MARCHF1: variants seen among roughly 807,000 people sequenced by gnomAD.
MARCHF1 encodes the protein E3 ubiquitin-protein ligase MARCHF1.
Under a neutral mutation model 54.2 loss-of-function variants are expected in MARCHF1, and 40 were observed. The observed-to-expected ratio is 0.74, with a 90% CI of 0.57 to 0.96. The LOEUF (loss-of-function observed/expected upper bound fraction) is 0.96. Among genes scored for constraint, MARCHF1 ranks in the 40% least tolerant of loss-of-function variants. MARCHF1 has a pLI of 0.00. For missense variants in MARCHF1, 586 were observed against 656.5 expected, an observed-to-expected ratio of 0.89 and a Z score of 1.17; for synonymous variants, 236 against 236.3, an observed-to-expected ratio of 1.00 and a Z score of 0.01.
intron 1 of MARCHF1, among the ~76,000 whole-genome samples, chr4:164,311,290 A>T (rs1212588390): frequency 6.6e-6 from 1 of 152,206 alleles, no homozygotes; most frequent in African/African-American, 2.4e-5. Flanking sequence ...CTGGGAAAAA[A>T]AAGGAAAATA....
intron 3 of MARCHF1, among the ~76,000 whole-genome samples, chr4:163,984,001 A>T (rs952278411): frequency 2.0e-5 from 3 of 151,836 alleles, no homozygotes; most frequent in Non-Finnish European, 1.5e-5. Flanking sequence ...ATTACTAAAA[A>T]TTTATTTTAC....
At chr4:164,167,604 A>G (rs561224078) in intron 1 of MARCHF1, among the ~76,000 whole-genome samples, 2 of 151,984 alleles carry the variant, frequency 1.3e-5, no homozygotes, top group South Asian at 2.1e-4. Context: ...AACAGAATAA[A>G]AAGTCTAGAA....
chr4:164,230,555 T>A (rs1480262959), intron 1 of MARCHF1, among the ~76,000 whole-genome samples: 1 of 152,076 alleles, frequency 6.6e-6, no homozygotes, highest in East Asian at 1.9e-4. Context: ...TACAGTTCTT[T>A]ACTAGCTATT....
At chr4:163,547,201 C>G (rs140478072) in intron 8 of MARCHF1, among the ~76,000 whole-genome samples, 1 of 152,276 alleles carries the variant, frequency 6.6e-6, no homozygotes, top group Non-Finnish European at 1.5e-5. Context: ...CATGTACTCT[C>G]TCTGGGCCTC....
chr4:163,684,350 T>C (rs1306178937), intron 5 of MARCHF1, among the ~76,000 whole-genome samples: 1 of 152,102 alleles, frequency 6.6e-6, no homozygotes, highest in Non-Finnish European at 1.5e-5. Flanking sequence ...TCAGAAAGAA[T>C]TCCAGTTTGG....
At chr4:163,863,167 T>G (rs1015533017) in intron 3 of MARCHF1, among the ~76,000 whole-genome samples, 5 of 151,936 alleles carry the variant, frequency 3.3e-5, no homozygotes, top group Non-Finnish European at 7.4e-5. Flanking sequence ...TTAAAAGACA[T>G]CATTTCGAGT....
chr4:163,725,478 C>CAA (rs60252263), intron 4 of MARCHF1, among the ~76,000 whole-genome samples: 8,715 of 120,400 alleles, frequency 0.072, 484 homozygotes, highest in African/African-American at 0.17. Context: ...ACACTATCTC[C>CAA]AAAAAAAAAA....
intron 3 of MARCHF1, among the ~76,000 whole-genome samples, chr4:163,898,510 C>T (rs1338096302): frequency 2.6e-5 from 4 of 152,088 alleles, no homozygotes; most frequent in Admixed American, 6.6e-5. Flanking sequence ...TCAGAATAGC[C>T]GTTATTAAAA....
At chr4:164,123,762 C>G (rs1756124792) in intron 1 of MARCHF1, among the ~76,000 whole-genome samples, 1 of 152,086 alleles carries the variant, frequency 6.6e-6, no homozygotes, top group Non-Finnish European at 1.5e-5. Flanking sequence ...AAGAAGAAAA[C>G]TAGACCCCTA....
chr4:164,059,282 T>A (rs956872026), intron 2 of MARCHF1, among the ~76,000 whole-genome samples: 1 of 152,204 alleles, frequency 6.6e-6, no homozygotes, highest in Non-Finnish European at 1.5e-5. Flanking sequence ...CAAGACATAT[T>A]TCCAGGCATT....
intron 5 of MARCHF1, among the ~76,000 whole-genome samples, chr4:163,681,916 C>T (rs966758405): frequency 2.0e-5 from 3 of 152,148 alleles, no homozygotes; most frequent in Admixed American, 1.3e-4. Flanking sequence ...GTTTGAAGGA[C>T]TCAGAAGACA....
chr4:164,050,964 A>G (rs937643549), intron 2 of MARCHF1, among the ~76,000 whole-genome samples: 6 of 151,990 alleles, frequency 3.9e-5, no homozygotes, highest in Non-Finnish European at 8.8e-5. Context: ...AATAATAATA[A>G]TATCCGTGAG....
At chr4:164,362,958 C>T (rs577191965) in intron 1 of MARCHF1, among the ~76,000 whole-genome samples, 22 of 152,172 alleles carry the variant, frequency 1.4e-4, no homozygotes, top group Admixed American at 1.2e-3. Flanking sequence ...TAAAAAAATA[C>T]TAATTAGAAT....
chr4:164,359,441 T>C (rs1730661293), intron 1 of MARCHF1, among the ~76,000 whole-genome samples: 1 of 152,180 alleles, frequency 6.6e-6, no homozygotes, highest in South Asian at 2.1e-4. Flanking sequence ...GCTTCCTCTG[T>C]TGAGAAGAGA....
At chr4:164,176,158 T>C (rs1166771644) in intron 1 of MARCHF1, among the ~76,000 whole-genome samples, 1 of 152,174 alleles carries the variant, frequency 6.6e-6, no homozygotes, top group Non-Finnish European at 1.5e-5. Flanking sequence ...AAATCCCTCA[T>C]AACATCTCAC....
intron 1 of MARCHF1, among the ~76,000 whole-genome samples, chr4:164,299,778 G>A (rs1458592550): frequency 6.6e-6 from 1 of 152,278 alleles, no homozygotes; most frequent in East Asian, 1.9e-4. Context: ...AACTCTTACA[G>A]AGGAAAATAG....
intron 2 of MARCHF1, among the ~76,000 whole-genome samples, chr4:164,050,275 C>CAAAAAAAA (rs34642436): frequency 1.7e-4 from 7 of 40,192 alleles, no homozygotes; most frequent in East Asian, 1.1e-3. Context: ...ACACTGTCTC[C>CAAAAAAAA]AAAAAAAAAA....
At chr4:163,976,197 G>C (rs1752646774) in intron 3 of MARCHF1, among the ~76,000 whole-genome samples, 1 of 152,148 alleles carries the variant, frequency 6.6e-6, no homozygotes, top group Non-Finnish European at 1.5e-5. Flanking sequence ...AACAGGAGAA[G>C]CTATGGTGGT....
chr4:163,873,905 T>G (rs77456853), intron 3 of MARCHF1, among the ~76,000 whole-genome samples: 2,403 of 152,308 alleles, frequency 0.016, 56 homozygotes, highest in African/African-American at 0.054. Flanking sequence ...AAGAAAATGT[T>G]GGCATGTAGG....
Sources: gnomAD v4.1 joint callset for allele counts (sites outside exome capture counted in the v4.1 genomes callset) on GRCh38, gnomAD v4.1.1 for gene constraint, MANE v1.5 for transcripts, NCBI Gene and HGNC (gene_info 2026-07-23, HGNC 2026-07-21) for gene names.